ZNF529: variants seen among roughly 807,000 people sequenced by gnomAD.
ZNF529 encodes the protein zinc finger protein 529.
A neutral mutation model predicts 10.1 loss-of-function variants in ZNF529; 11 were observed. That is an observed-to-expected ratio of 1.09 (90% CI 0.69 to 1.81). ZNF529 has a LOEUF of 1.81. Ranked by LOEUF, ZNF529 falls within the 40% of genes most tolerant of loss-of-function variation. The pLI is 0.00. For synonymous variants in ZNF529, 204 were observed against 215.7 expected (o/e 0.95, Z 0.47); for missense variants, 624 against 666.8 (o/e 0.94, Z 0.71).
Position 36,556,162 on chromosome 19 carries a change from G to C in ZNF529, c.50C>G (p.Ala17Gly), listed in dbSNP as rs2035462997. The C allele has an allele frequency of 7.1e-7, 1 of 1,416,012 alleles. No homozygotes were observed. The highest frequency in any genetic ancestry group is 2.0e-5 in the Admixed American group (1 of 50,832). The allele number at this position is 1,416,012 out of a possible 1,614,324, so 87.7% of individuals were successfully genotyped here. A position where few individuals can be genotyped will look rare whatever the true frequency, so the allele number is the denominator to read the frequency against. ...AGGGAATTCCACTTCTGGCATGACA[G>C]CATGAGGAGCTCCATGGACATGATC... is the stretch of plus-strand genomic sequence containing the variant. ...IGDHVHGAPH[A>G]VMPEVEFPDQ... is the part of the protein sequence containing the mutation. The change falls in exon 3 of 5, where the codon GCT (alanine) becomes GGT (glycine). Residue 17 changes from alanine (A) to glycine (G), a missense_variant. Coordinates refer to ENST00000591340, the MANE Select transcript of ZNF529 (RefSeq NM_020951.5).
At chr19:36,557,436 G>A (rs527980213) in intron 2 of ZNF529, among the ~76,000 whole-genome samples, 26 of 152,240 alleles carry the variant, frequency 1.7e-4, no homozygotes, top group African/African-American at 5.3e-4. Flanking sequence ...CATGGCAGAC[G>A]GCACCTCTTC....
At chr19:36,599,944 C>G (rs1220510819) in intron 1 of ZNF529, among the ~76,000 whole-genome samples, 2 of 151,972 alleles carry the variant, frequency 1.3e-5, no homozygotes, top group African/African-American at 4.8e-5. Flanking sequence ...TCTTGGCTCA[C>G]TGCAAACTCC....
At chr19:36,578,291 C>CTTTTTTTTTTTT (rs1159725232), upstream of ZNF529, among the ~76,000 whole-genome samples, 30 of 31,818 alleles carry the variant, frequency 9.4e-4, 8 homozygotes, top group Non-Finnish European at 1.5e-3. Flanking sequence ...GTCTTGATCT[C>CTTTTTTTTTTTT]TTTTTTTTTT....
In ZNF529 at chr19:36,548,194, C is replaced by G. The variant is rs2035123695; in HGVS notation, c.364G>C (p.Asp122His). Residue 122 changes from aspartate to histidine, a missense_variant, in exon 5 of 5, where the codon GAC (aspartate) becomes CAC (histidine). Physicochemically the swap from Asp to His is moderately conservative, Grantham distance 81 (BLOSUM62 -1). Coordinates refer to ENST00000591340, the MANE Select transcript of ZNF529 (RefSeq NM_020951.5). ...CGLEGSIFRNDWQSKSKIDLQ... is the reference protein window; with the variant it reads ...CGLEGSIFRNHWQSKSKIDLQ... ...TCAATCTTGCTTTTGCTTTGCCAGT[C>G]ATTTCTGAAAATGGAACCTTCAAGG... 5 of 1,613,730 alleles carry G rather than the reference C, an allele frequency of 3.1e-6. No homozygotes were observed. Among genetic ancestry groups the G allele is most frequent in the Non-Finnish European group, 4.2e-6 (5 of 1,179,868 alleles).
chr19:36,599,340 T>C (rs2036888521), intron 1 of ZNF529, among the ~76,000 whole-genome samples: 1 of 152,206 alleles, frequency 6.6e-6, no homozygotes, highest in African/African-American at 2.4e-5. Flanking sequence ...TAAATTAATA[T>C]GTATATAATT....
chr19:36,599,622 C>G (rs1030037808), intron 1 of ZNF529, among the ~76,000 whole-genome samples: 1 of 152,114 alleles, frequency 6.6e-6, no homozygotes, highest in Non-Finnish European at 1.5e-5. Flanking sequence ...GATAATAAAA[C>G]TATGAGTACT....
At chr19:36,549,796 T>C (rs1212989461) in intron 4 of ZNF529, among the ~76,000 whole-genome samples, 1 of 152,248 alleles carries the variant, frequency 6.6e-6, no homozygotes, top group Non-Finnish European at 1.5e-5. Flanking sequence ...TTTTATCTTC[T>C]TTTACAGATA....
intron 1 of ZNF529, among the ~76,000 whole-genome samples, chr19:36,597,558 CT>C (rs772974891): frequency 1.6e-4 from 25 of 152,294 alleles, no homozygotes; most frequent in Non-Finnish European, 3.1e-4. Flanking sequence ...AATTCTACCC[CT>C]GTTTATCTCC....
At chr19:36,592,694 C>G (rs2145278976) in intron 1 of ZNF529, among the ~76,000 whole-genome samples, 1 of 150,984 alleles carries the variant, frequency 6.6e-6, no homozygotes, top group Non-Finnish European at 1.5e-5. Context: ...CAAGATTTAA[C>G]AAAAAAGAAA....
intron 2 of ZNF529, among the ~76,000 whole-genome samples, chr19:36,578,882 G>A (rs889950285): frequency 6.6e-6 from 1 of 151,560 alleles, no homozygotes; most frequent in Non-Finnish European, 1.5e-5. Flanking sequence ...ACAGGCGTGA[G>A]CCACCGCACC....
At chr19:36,560,257 CAAAAAA>C (rs58196878) in intron 2 of ZNF529, among the ~76,000 whole-genome samples, 35,505 of 104,402 alleles carry the variant, frequency 0.34, 4,050 homozygotes, top group South Asian at 0.42. Context: ...AACTCCGTCT[CAAAAAA>C]AAAAAAAAAA....
intron 2 of ZNF529, among the ~76,000 whole-genome samples, chr19:36,562,477 G>T (rs1488877810): frequency 2.6e-5 from 4 of 151,886 alleles, no homozygotes; most frequent in Non-Finnish European, 5.9e-5. Flanking sequence ...ATATAGGGGG[G>T]GTCCAGGGGC....
intron 3 of ZNF529, among the ~76,000 whole-genome samples, chr19:36,555,222 A>G (rs2035420149): frequency 1.3e-5 from 2 of 152,250 alleles, no homozygotes; most frequent in African/African-American, 4.8e-5. Flanking sequence ...TTGTAGCTCC[A>G]AGTTCATTAC....
chr19:36,579,341 G>C (rs3096620), intron 2 of ZNF529, among the ~76,000 whole-genome samples: 1 of 152,096 alleles, frequency 6.6e-6, no homozygotes, highest in African/African-American at 2.4e-5. Context: ...CCTCAAAACA[G>C]TGTATATGGC....
At chr19:36,578,053 G>T (rs957559289), upstream of ZNF529, 2 of 143,306 alleles carry the variant, frequency 1.4e-5, no homozygotes, top group Admixed American at 1.4e-4. Context: ...AAAGAGTGTG[G>T]GGGAGATTTT....
chr19:36,550,364 G>A (rs916124866), intron 4 of ZNF529, among the ~76,000 whole-genome samples: 8 of 152,106 alleles, frequency 5.3e-5, no homozygotes, highest in East Asian at 1.9e-4. Context: ...CCAACATGGC[G>A]AAACCCCGTC....
chr19:36,599,018 T>C (rs1263664154), intron 1 of ZNF529, among the ~76,000 whole-genome samples: 1 of 152,214 alleles, frequency 6.6e-6, no homozygotes, highest in African/African-American at 2.4e-5. Flanking sequence ...ATTCGGCTTA[T>C]AAACATAGCT....
intron 1 of ZNF529, among the ~76,000 whole-genome samples, chr19:36,603,420 G>GTAAA (rs2036961173): frequency 6.6e-6 from 1 of 152,126 alleles, no homozygotes; most frequent in African/African-American, 2.4e-5. Flanking sequence ...TAGAGACCAG[G>GTAAA]TAAATAGATA....
rs748392973 is a variant in ZNF529, at chr19:36,546,902, T to G, written c.1656A>C (p.Gln552His). 6.2e-7 allele frequency: 1 copy of G among 1,610,568 alleles called. No homozygotes were observed. The highest frequency in any genetic ancestry group is 8.5e-7 in the Non-Finnish European group (1 of 1,178,206). ...SFSVVGHLTC[Q>H]PKIYTGEKSF... ...ATTTCTCACCAGTGTAAATTTTCGG[T>G]TGGCAAGTAAGATGCCCAACAACAC... The change falls in exon 5 of 5, where the codon CAA (glutamine) becomes CAC (histidine). Residue 552 changes from glutamine to histidine, a missense_variant. By Grantham distance (24) the Gln-to-His change is conservative. Transcript: ENST00000591340.
Sources: gnomAD v4.1 joint callset for allele counts (sites outside exome capture counted in the v4.1 genomes callset) on GRCh38, gnomAD v4.1.1 for gene constraint, MANE v1.5 for transcripts, NCBI Gene and HGNC (gene_info 2026-07-23, HGNC 2026-07-21) for gene names.